RBFOX1: variants seen among roughly 807,000 people sequenced by gnomAD.
The protein encoded by RBFOX1 is RNA binding protein fox-1 homolog 1.
In RBFOX1, 8 loss-of-function variants were observed where a neutral mutation model predicts 57.7. That is an observed-to-expected ratio of 0.14 (90% CI 0.08 to 0.25). The LOEUF is 0.25. Among genes scored for constraint, RBFOX1 ranks in the 10% least tolerant of loss-of-function variants. The pLI, the probability that RBFOX1 is intolerant of heterozygous loss-of-function variation, is 1.00. For synonymous variants in RBFOX1, 326 were observed against 222.4 expected, an observed-to-expected ratio of 1.47 and a Z score of -4.15; for missense variants, 611 against 548.5, an observed-to-expected ratio of 1.11 and a Z score of -1.14.
intron 4 of RBFOX1, among the ~76,000 whole-genome samples, chr16:7,243,792 C>T (rs1038264720): frequency 1.2e-4 from 19 of 152,104 alleles, no homozygotes; most frequent in South Asian, 2.1e-4. Flanking sequence ...TCAAGTGATC[C>T]TCCTTGCCTA....
intron 1 of RBFOX1, among the ~76,000 whole-genome samples, chr16:6,081,444 A>G (rs1168292532): frequency 6.6e-6 from 1 of 152,128 alleles, no homozygotes; most frequent in African/African-American, 2.4e-5. Flanking sequence ...TTACACTAGG[A>G]TGCTTCTGAG....
At chr16:6,627,167 A>G (rs2098321932) in intron 2 of RBFOX1, among the ~76,000 whole-genome samples, 1 of 152,146 alleles carries the variant, frequency 6.6e-6, no homozygotes. Context: ...CATTACTCCT[A>G]CAACCATATC....
chr16:7,095,934 A>G (rs1309621576), intron 4 of RBFOX1, among the ~76,000 whole-genome samples: 1 of 149,268 alleles, frequency 6.7e-6, no homozygotes, highest in Non-Finnish European at 1.5e-5. Context: ...AATGGCATGA[A>G]CCCAGGAGGC....
At chr16:7,619,710 A>G (rs906486560) in intron 10 of RBFOX1, among the ~76,000 whole-genome samples, 1 of 152,222 alleles carries the variant, frequency 6.6e-6, no homozygotes, top group Admixed American at 6.5e-5. Flanking sequence ...AAGGCCTTCT[A>G]GGTTCTTTGC....
At chr16:5,372,906 G>T (rs914467971) in intron 1 of RBFOX1, among the ~76,000 whole-genome samples, 2 of 152,250 alleles carry the variant, frequency 1.3e-5, no homozygotes, top group Non-Finnish European at 2.9e-5. Context: ...CATGACTTCA[G>T]CTTCTCTTGG....
intron 3 of RBFOX1, among the ~76,000 whole-genome samples, chr16:6,867,936 C>A (rs1324142365): frequency 6.6e-6 from 1 of 152,234 alleles, no homozygotes; most frequent in South Asian, 2.1e-4. Flanking sequence ...AGCCAAGCGT[C>A]CAGAACTATG....
chr16:6,670,657 A>T (rs1184136717), intron 3 of RBFOX1, among the ~76,000 whole-genome samples: 2 of 152,184 alleles, frequency 1.3e-5, no homozygotes, highest in Non-Finnish European at 2.9e-5. Context: ...GGTTAACATG[A>T]AATAAGAATA....
At chr16:5,605,967 C>G (rs1596416151) in intron 3 of RBFOX1, among the ~76,000 whole-genome samples, 1 of 152,130 alleles carries the variant, frequency 6.6e-6, no homozygotes, top group Admixed American at 6.5e-5. Context: ...GCTTCTCTTT[C>G]TGTATATTCA....
chr16:7,019,116 A>G (rs1167387570), intron 3 of RBFOX1, among the ~76,000 whole-genome samples: 1 of 152,026 alleles, frequency 6.6e-6, no homozygotes, highest in African/African-American at 2.4e-5. Flanking sequence ...AAAGACTGAG[A>G]GGTAATGATA....
chr16:7,400,116 G>C (rs1371952847), intron 4 of RBFOX1, among the ~76,000 whole-genome samples: 3 of 152,174 alleles, frequency 2.0e-5, no homozygotes, highest in Non-Finnish European at 4.4e-5. Context: ...AAGTGGCACA[G>C]TTGGTATCCT....
Position 5,467,111 on chromosome 16 carries a change from C to G in RBFOX1, c.220-105C>G, listed in dbSNP as rs1172911280. ...TTTGAGAATGAATGAATAAAACATTCTTTTTTAAATCTAAGAGAAAAACAA... is the reference window on the plus strand; with the variant it reads ...TTTGAGAATGAATGAATAAAACATTGTTTTTTAAATCTAAGAGAAAAACAA... On this transcript the variant is annotated intron_variant, in intron 1 of 2. Coordinates refer to the RBFOX1 transcript ENST00000585867. 6 of 1,266,304 alleles carry G rather than the reference C, an allele frequency of 4.7e-6. No homozygotes were observed. In the East Asian group the frequency reaches 1.3e-4, roughly 28 times the overall value. 78.4% of individuals were successfully genotyped at this position (1,266,304 alleles called of 1,614,324 possible). A position where few individuals can be genotyped will look rare whatever the true frequency, so the allele number is the denominator to read the frequency against.
chr16:5,512,505 ACACAATCAT>A (rs892944600), intron 2 of RBFOX1, among the ~76,000 whole-genome samples: 1 of 152,036 alleles, frequency 6.6e-6, no homozygotes, highest in Admixed American at 6.6e-5. Context: ...GTTGGTTTAA[ACACAATCAT>A]CACAATCATG....
chr16:5,258,205 T>A (rs1277941885), intron 1 of RBFOX1, among the ~76,000 whole-genome samples: 5 of 152,120 alleles, frequency 3.3e-5, no homozygotes, highest in African/African-American at 9.7e-5. Context: ...ATTATTATTA[T>A]GAAAAATTTT....
At chr16:7,120,842 C>CACACACACACACACAT (rs1567337071) in intron 4 of RBFOX1, among the ~76,000 whole-genome samples, 48 of 149,724 alleles carry the variant, frequency 3.2e-4, no homozygotes, top group African/African-American at 5.9e-4. Context: ...CACACACACA[C>CACACACACACACACAT]ACACACACAC....
chr16:5,477,873 A>G (rs1033322933), intron 2 of RBFOX1, among the ~76,000 whole-genome samples: 1 of 152,158 alleles, frequency 6.6e-6, no homozygotes, highest in Non-Finnish European at 1.5e-5. Flanking sequence ...AGTTAGCGTG[A>G]TGTTTTTCGT....
intron 3 of RBFOX1, among the ~76,000 whole-genome samples, chr16:5,813,985 C>T (rs1012146525): frequency 1.3e-5 from 2 of 152,110 alleles, no homozygotes; most frequent in African/African-American, 2.4e-5. Context: ...ACTTTTGCAC[C>T]GACTTAATAC....
chr16:6,648,050 C>T (rs1264190150), intron 2 of RBFOX1, among the ~76,000 whole-genome samples: 1 of 151,996 alleles, frequency 6.6e-6, no homozygotes, highest in East Asian at 1.9e-4. Flanking sequence ...ATTTTCTTGC[C>T]CAGACAGGTC....
intron 2 of RBFOX1, among the ~76,000 whole-genome samples, chr16:6,405,675 A>T (rs891309636): frequency 6.6e-6 from 1 of 152,178 alleles, no homozygotes; most frequent in African/African-American, 2.4e-5. Flanking sequence ...ATAATATCTA[A>T]CACAAGGGTC....
chr16:6,018,762 G>T (rs373038587), upstream of RBFOX1, among the ~76,000 whole-genome samples: 105 of 152,310 alleles, frequency 6.9e-4, no homozygotes, highest in East Asian at 0.011. Context: ...TGTCTACTTT[G>T]ATTGGGGTTG....
Sources: allele counts gnomAD v4.1 joint callset (sites outside exome capture counted in the v4.1 genomes callset), GRCh38; gene constraint gnomAD v4.1.1; transcripts MANE v1.5; gene names NCBI Gene and HGNC (gene_info 2026-07-23, HGNC 2026-07-21).